Variants in ATM observed in about 807,000 individuals in gnomAD.
ATM encodes ATM serine/threonine kinase.
In ATM, 308 loss-of-function variants were observed where a neutral mutation model predicts 387.0. That is an observed-to-expected ratio of 0.80 (90% CI 0.73 to 0.87). ATM has a LOEUF of 0.87. Among genes scored for constraint, ATM ranks in the 40% least tolerant of loss-of-function variants. ATM has a pLI of 0.00. For missense variants in ATM, 3,312 were observed against 3,560.9 expected, an observed-to-expected ratio of 0.93 and a Z score of 1.78; for synonymous variants, 1,156 against 1,187.3, an observed-to-expected ratio of 0.97 and a Z score of 0.54.
chr11:108,326,405 A>G (rs1417206042), intron 47 of ATM, among the ~76,000 whole-genome samples, 180 bp downstream of exon 47: 1 of 152,224 alleles, frequency 6.6e-6, no homozygotes, highest in Non-Finnish European at 1.5e-5. Context: ...ACTTTTTCCT[A>G]TATATCACAA....
intron 5 of ATM, chr11:108,236,570 A>G (rs2079289863): frequency 1.3e-5 from 2 of 152,344 alleles, no homozygotes. Context: ...AGAGAGTTGA[A>G]AGTTCAAAGG....
intron 4 of ATM, among the ~76,000 whole-genome samples, chr11:108,234,745 G>A (rs2079183945): frequency 6.6e-6 from 1 of 152,068 alleles, no homozygotes; most frequent in African/African-American, 2.4e-5. Flanking sequence ...GGAGGCTAAG[G>A]TGGGAGGATC....
At chr11:108,364,936 G>A in intron 61 of ATM, 146 bp from the exon 62 acceptor site, 1 of 858,804 alleles carries the variant, frequency 1.2e-6, no homozygotes, top group East Asian at 2.7e-5. Flanking sequence ...TTTCCTCAAG[G>A]AAACATGAAG....
At chr11:108,265,422 C>T (rs1171734625) in intron 16 of ATM, among the ~76,000 whole-genome samples, 3 of 152,156 alleles carry the variant, frequency 2.0e-5, no homozygotes, top group Non-Finnish European at 4.4e-5. Context: ...GGAAAACTGG[C>T]TAGCCATATG....
At position 108,335,087 on chromosome 11, in the gene ATM, A is replaced by G. The variant is rs587782001; in HGVS notation, c.8129A>G (p.Lys2710Arg). 5.0e-6 allele frequency: 8 copies of G among 1,614,006 alleles called. No individual in the cohort carries two copies. Among genetic ancestry groups the G allele is most frequent in the African/African-American group, 1.3e-5 (1 of 74,946 alleles). The change falls in exon 55 of 63, where the codon AAG (lysine) becomes AGG (arginine). Residue 2710 changes from lysine (K) to arginine (R), a missense_variant. Lys to Arg is a conservative substitution (Grantham distance 26, BLOSUM62 2). Coordinates refer to ENST00000675843, the MANE Select transcript of ATM (RefSeq NM_000051.4). ...ATAGATTGTGTAGGTTCCGATGGCA[A>G]GGAGAGGAGACAGCTTGTTAAGGTG... ...KIIDCVGSDG[K>R]ERRQLVKGRD...
intron 57 of ATM, among the ~76,000 whole-genome samples, 189 bp downstream of exon 57, chr11:108,343,560 T>C (rs2087882856): frequency 6.6e-6 from 1 of 152,194 alleles, no homozygotes; most frequent in Non-Finnish European, 1.5e-5. Flanking sequence ...TTAAACTACA[T>C]AATATGTCAA....
At chr11:108,226,554 A>G (rs1198450888) in intron 1 of ATM, 1 of 152,194 alleles carries the variant, frequency 6.6e-6, no homozygotes. Flanking sequence ...TTTTACTCCT[A>G]TTGTTATGTG....
intron 23 of ATM, 100 bp from the exon 24 acceptor site, chr11:108,280,895 G>T (rs2082194058): frequency 9.1e-7 from 1 of 1,098,606 alleles, no homozygotes; most frequent in Non-Finnish European, 1.3e-6. Context: ...TCTGAAATGT[G>T]TATAGCTTGT....
intron 43 of ATM, 67 bp from the exon 44 acceptor site, chr11:108,319,887 C>G: frequency 9.1e-7 from 1 of 1,104,354 alleles, no homozygotes; most frequent in Non-Finnish European, 1.4e-6. Flanking sequence ...TTTGGTGAAG[C>G]TATTTATACA....
chr11:108,362,400 A>G (rs1215170895), intron 61 of ATM, among the ~76,000 whole-genome samples: 18 of 151,980 alleles, frequency 1.2e-4, no homozygotes, highest in Admixed American at 2.0e-4. Context: ...GCGATTCCTC[A>G]GGGATCTAGA....
intron 33 of ATM, chr11:108,299,398 A>C: frequency 3.4e-6 from 1 of 291,934 alleles, no homozygotes; most frequent in Non-Finnish European, 6.7e-6. Context: ...CCTGGGTTCA[A>C]GTGATTCTCC....
intron 3 of ATM, among the ~76,000 whole-genome samples, chr11:108,228,234 T>G (rs968486806): frequency 2.6e-5 from 4 of 152,214 alleles, no homozygotes; most frequent in African/African-American, 7.2e-5. Flanking sequence ...CTTTAAATAT[T>G]ACTCTGATTA....
In ATM at chr11:108,268,461, T is replaced by C. The variant is rs876658373; in HGVS notation, c.2690T>C (p.Phe897Ser). Residue 897 changes from phenylalanine (F) to serine (S), a missense_variant, in exon 18 of 63, where the codon TTC becomes TCC. Physicochemically the swap from Phe to Ser is radical, Grantham distance 155. Coordinates refer to ENST00000675843, the MANE Select transcript of ATM (RefSeq NM_000051.4). ...TATCTGTCAAAGCAAGATCTACTTTTCTTAGACATGCTCAAGTTCTTGTGT... is the reference window on the plus strand; with the variant it reads ...TATCTGTCAAAGCAAGATCTACTTTCCTTAGACATGCTCAAGTTCTTGTGT... ...EEYLSKQDLL[F>S]LDMLKFLCLC... 1.2e-6 allele frequency: 2 copies of C among 1,614,054 alleles called. No homozygotes were observed. Among genetic ancestry groups the C allele is most frequent in the Non-Finnish European group, 1.7e-6 (2 of 1,179,984 alleles).
At chr11:108,250,627 A>G (rs1182151616) in intron 9 of ATM, 74 bp from the exon 10 acceptor site, 1 of 1,430,196 alleles carries the variant, frequency 7.0e-7, no homozygotes, top group African/African-American at 1.4e-5. Context: ...TAAGAGTACC[A>G]TGTCTATATA....
intron 23 of ATM, among the ~76,000 whole-genome samples, chr11:108,279,850 TATGGGAGTATAA>T (rs1279683480): frequency 6.6e-6 from 1 of 152,214 alleles, no homozygotes; most frequent in Non-Finnish European, 1.5e-5. Flanking sequence ...ACTGAGTTTT[TATGGGAGTATAA>T]ATGGCTCCCT....
intron 49 of ATM, among the ~76,000 whole-genome samples, chr11:108,329,537 C>T (rs1285703106): frequency 6.6e-6 from 1 of 152,030 alleles, no homozygotes; most frequent in African/African-American, 2.4e-5. Context: ...CCTGAGCCCC[C>T]GAAATAGCTG....
chr11:108,266,430 AACAATGAGATCACATGG>A (rs1233514409), intron 16 of ATM, among the ~76,000 whole-genome samples: 1 of 147,442 alleles, frequency 6.8e-6, no homozygotes, highest in Non-Finnish European at 1.5e-5. Context: ...GTGGGAATTG[AACAATGAGATCACATGG>A]ACACAGGAAG....
rs730881306 is a variant in ATM at position 108,345,733 on chromosome 11, CTATT to C, written c.8419-7_8419-4del. The C allele has an allele frequency of 1.3e-6, 2 of 1,567,368 alleles. No homozygotes were observed. Among genetic ancestry groups the C allele is most frequent in the Admixed American group, 1.7e-5 (1 of 58,014 alleles). On this transcript the variant is annotated splice_polypyrimidine_tract_variant and splice_region_variant and intron_variant, in intron 57 of 62. Transcript: ENST00000675843. Reference sequence around the variant, plus strand: ...ATTGAAAAATAATTATATATATTCTCTATTTAAAGGAGGTGCAAAAAAAGTCTTT... The same window carrying C: ...ATTGAAAAATAATTATATATATTCTCTAAAGGAGGTGCAAAAAAAGTCTTT...
rs1555138094 is a variant in ATM at position 108,345,798 on chromosome 11, A to G, written c.8474A>G (p.Gln2825Arg). 1 of 1,613,900 alleles carries G rather than the reference A, an allele frequency of 6.2e-7. No homozygotes were observed. The highest frequency in any genetic ancestry group is 8.5e-7 in the Non-Finnish European group (1 of 1,179,848). Reference protein sequence around the residue: ...EKYEVFMDVCQNFQPVFRYFC... With the variant: ...EKYEVFMDVCRNFQPVFRYFC... ...TATGAAGTCTTCATGGATGTTTGCC[A>G]AAATTTTCAACCAGTTTTCCGTTAC... The change falls in exon 58 of 63, where the codon CAA becomes CGA. Residue 2825 changes from glutamine (Q) to arginine (R), a missense_variant. Coordinates refer to ENST00000675843, the MANE Select transcript of ATM (RefSeq NM_000051.4).
Sources: gnomAD v4.1 joint callset for allele counts (sites outside exome capture counted in the v4.1 genomes callset) on GRCh38, gnomAD v4.1.1 for gene constraint, MANE v1.5 for transcripts, NCBI Gene and HGNC (gene_info 2026-07-23, HGNC 2026-07-21) for gene names.